Variants in DNAAF1 observed in about 807,000 individuals in gnomAD.
The protein encoded by DNAAF1 is dynein axonemal assembly factor 1.
A neutral mutation model predicts 71.1 loss-of-function variants in DNAAF1; 65 were observed. The ratio of observed to expected loss-of-function variants is 0.91; its 90% CI spans 0.75 to 1.12. The LOEUF (loss-of-function observed/expected upper bound fraction) is 1.12. DNAAF1 is among the 50% of genes most tolerant of loss of function. The pLI, the probability that DNAAF1 is intolerant of heterozygous loss-of-function variation, is 0.00. For missense variants in DNAAF1, 1,178 were observed against 899.8 expected (o/e 1.31, Z -3.96); for synonymous variants, 414 against 354.6 (o/e 1.17, Z -1.88).
intron 11 of DNAAF1, 26 bp downstream of exon 11, chr16:84,176,325 G>T (rs960726364): frequency 6.8e-6 from 11 of 1,612,652 alleles, no homozygotes; most frequent in Admixed American, 1.7e-5. Context: ...CGAGAGCACA[G>T]TGGAGACAAT....
chr16:84,149,849 A>C (rs2087101380), intron 2 of DNAAF1, among the ~76,000 whole-genome samples: 1 of 150,170 alleles, frequency 6.7e-6, no homozygotes. Flanking sequence ...ACATGGTGAA[A>C]CCCCCCCTCT....
chr16:84,169,845 T>C lies in DNAAF1; in HGVS notation c.1031-14T>C. 6.2e-7 allele frequency: 1 copy of C among 1,613,320 alleles called. No homozygotes were observed. Among genetic ancestry groups the C allele is most frequent in the South Asian group, 1.1e-5 (1 of 91,038 alleles). On this transcript the variant is annotated splice_polypyrimidine_tract_variant and intron_variant, in intron 7 of 11. Transcript: ENST00000378553. Reference sequence around the variant, plus strand: ...GGACACTCCCACATTCACCTTTGCATTTTCTGCCATTAGGGGAGATGACAT... The same window carrying C: ...GGACACTCCCACATTCACCTTTGCACTTTCTGCCATTAGGGGAGATGACAT...
rs764943936 is a variant in DNAAF1 at position 84,159,700 on chromosome 16, C to T, written c.767C>T (p.Pro256Leu). ...DLRVLNLMGN[P>L]VIRQIPNYRR... ...CGTGTACTGAATTTGATGGGAAACC[C>T]GGTTATCAGACAGATTCCTAATTAC... Residue 256 changes from proline (P) to leucine (L), a missense_variant, in exon 6 of 12, where the codon CCG becomes CTG. By Grantham distance (98) the Pro-to-Leu change is moderately conservative (BLOSUM62 -3). Coordinates refer to ENST00000378553, the MANE Select transcript of DNAAF1 (RefSeq NM_178452.6). 45 of 1,613,622 alleles carry T rather than the reference C, an allele frequency of 2.8e-5. No individual in the cohort carries two copies. The highest frequency in any genetic ancestry group is 1.7e-4 in the Middle Eastern group (1 of 6,058).
intron 7 of DNAAF1, among the ~76,000 whole-genome samples, chr16:84,167,074 G>A (rs76188322): frequency 0.037 from 5,588 of 152,256 alleles, 163 homozygotes; most frequent in Non-Finnish European, 0.062. Context: ...GGTGTCGCCT[G>A]TACTTCTAAC....
chr16:84,155,692 G>C lies in DNAAF1; in HGVS notation c.684G>C (p.Ser228=), dbSNP rs200109125. The C allele has an allele frequency of 2.2e-5, 35 of 1,614,048 alleles. 1 individual carries two copies. The Middle Eastern group carries it at 2.1e-3, about 99-fold the overall frequency. ...TGAGGCTTTGTGTCCTTGACCTTTC[G>C]CACAACAAGCTGAGTGACCCGGAGA... ...ECLRLCVLDL[S]HNKLSDPEIL... The change falls in exon 5 of 12, where the codon TCG becomes TCC. Residue 228 remains serine, a synonymous_variant. Coordinates refer to ENST00000378553, the MANE Select transcript of DNAAF1 (RefSeq NM_178452.6).
At chr16:84,168,266 C>G (rs574145005) in intron 7 of DNAAF1, among the ~76,000 whole-genome samples, 1 of 152,148 alleles carries the variant, frequency 6.6e-6, no homozygotes, top group Non-Finnish European at 1.5e-5. Flanking sequence ...CTGACTCTGA[C>G]GCTCCTGCCT....
At chr16:84,164,743 G>A (rs536156962) in intron 6 of DNAAF1, among the ~76,000 whole-genome samples, 4 of 152,304 alleles carry the variant, frequency 2.6e-5, no homozygotes, top group Non-Finnish European at 5.9e-5. Flanking sequence ...GCAGGTTTGC[G>A]TGTGGACATA....
rs774606576 is a variant in DNAAF1, at chr16:84,176,304, G to A, written c.2065+5G>A. On this transcript the variant is annotated splice_donor_5th_base_variant and intron_variant, in intron 11 of 11. Coordinates refer to ENST00000378553, the MANE Select transcript of DNAAF1 (RefSeq NM_178452.6). ...TCCTTGCAGCCTCTTCTCCGGGTAA[G>A]AGCGTGGGGCCGAGAGCACAGTGGA... 130 of 1,613,062 alleles carry A rather than the reference G, an allele frequency of 8.1e-5. No individual in the cohort carries two copies. The highest frequency in any genetic ancestry group is 2.4e-5 in the Non-Finnish European group (28 of 1,179,964).
chr16:84,146,813 G>GGCATTAA (rs2086935532), intron 1 of DNAAF1, among the ~76,000 whole-genome samples: 1 of 151,890 alleles, frequency 6.6e-6, no homozygotes, highest in Non-Finnish European at 1.5e-5. Flanking sequence ...TGCCCTAAAG[G>GGCATTAA]AAACCTTTTA....
chr16:84,172,751 C>A, intron 9 of DNAAF1: 1 of 1,153,492 alleles, frequency 8.7e-7, no homozygotes, highest in Non-Finnish European at 1.1e-6. Context: ...TACATTGTAT[C>A]ATCAGTTACA....
chr16:84,146,180 C>T (rs2086897202), intron 1 of DNAAF1, among the ~76,000 whole-genome samples: 1 of 152,196 alleles, frequency 6.6e-6, no homozygotes, highest in South Asian at 2.1e-4. Context: ...CCAGCCCTAA[C>T]CCACCACGCT....
At chr16:84,161,934 C>G (rs1296266447) in intron 6 of DNAAF1, among the ~76,000 whole-genome samples, 1 of 152,152 alleles carries the variant, frequency 6.6e-6, no homozygotes, top group Admixed American at 6.5e-5. Context: ...CAGAGATCAG[C>G]TCTTACATTC....
intron 8 of DNAAF1, among the ~76,000 whole-genome samples, chr16:84,171,931 G>C (rs1281342134): frequency 1.3e-5 from 2 of 149,946 alleles, no homozygotes; most frequent in East Asian, 3.9e-4. Flanking sequence ...AGGCTGGAGT[G>C]CAGTGGCACA....
At chr16:84,150,634 G>C (rs79094715) in intron 3 of DNAAF1, among the ~76,000 whole-genome samples, 1 of 33,130 alleles carries the variant, frequency 3.0e-5, no homozygotes, top group African/African-American at 9.4e-5. Context: ...TTTTTTTTTT[G>C]AGATGGTGTC....
intron 11 of DNAAF1, 42 bp from the exon 12 acceptor site, chr16:84,177,687 A>G: frequency 1.3e-6 from 2 of 1,538,568 alleles, no homozygotes; most frequent in Non-Finnish European, 1.8e-6. Flanking sequence ...CCTTGCAGTC[A>G]CAGTGACAGG....
intron 3 of DNAAF1, 46 bp from the exon 4 acceptor site, chr16:84,154,530 TG>T: frequency 6.4e-7 from 1 of 1,570,272 alleles, no homozygotes; most frequent in Non-Finnish European, 8.8e-7. Flanking sequence ...GTGACCCCTC[TG>T]CCCTGGGAGT....
At chr16:84,163,630 C>A (rs62048444) in intron 6 of DNAAF1, among the ~76,000 whole-genome samples, 5 of 152,060 alleles carry the variant, frequency 3.3e-5, no homozygotes, top group Non-Finnish European at 4.4e-5. Context: ...CCACCCACCT[C>A]GGCCTCCCAA....
At chr16:84,174,932 T>C (rs2088573445) in intron 10 of DNAAF1, 1 of 570,648 alleles carries the variant, frequency 1.8e-6, no homozygotes, top group Non-Finnish European at 3.1e-6. Context: ...CTTGGCTCAC[T>C]GCAACCTCCA....
At chr16:84,157,503 A>G (rs1597429954) in intron 5 of DNAAF1, among the ~76,000 whole-genome samples, 1 of 144,234 alleles carries the variant, frequency 6.9e-6, no homozygotes, top group South Asian at 2.3e-4. Flanking sequence ...AGAATGAGAC[A>G]CTGTGTCAAA....
Sources: gnomAD v4.1 joint callset for allele counts (sites outside exome capture counted in the v4.1 genomes callset) on GRCh38, gnomAD v4.1.1 for gene constraint, MANE v1.5 for transcripts, NCBI Gene and HGNC (gene_info 2026-07-23, HGNC 2026-07-21) for gene names.